MAP3K1: variants seen among roughly 807,000 people sequenced by gnomAD.
MAP3K1 encodes the protein MAP/ERK kinase kinase 1.
Under a neutral mutation model 144.2 loss-of-function variants are expected in MAP3K1, and 36 were observed. The observed-to-expected ratio is 0.25, with a 90% confidence interval of 0.19 to 0.33. MAP3K1 has a LOEUF of 0.33. Ranked by LOEUF, MAP3K1 falls within the 10% of genes least tolerant of loss-of-function variation. MAP3K1 has a pLI of 1.00. For synonymous variants in MAP3K1, 718 were observed against 688.7 expected (o/e 1.04, Z -0.67); for missense variants, 1,650 against 1,881.9 (o/e 0.88, Z 2.28).
intron 1 of MAP3K1, chr5:56,817,054 G>C: frequency 1.0e-6 from 1 of 985,344 alleles, no homozygotes; most frequent in African/African-American, 1.7e-5. Flanking sequence ...TCCAGGGGCC[G>C]CAGTGCGGTG....
At chr5:56,824,378 C>A (rs747254456) in intron 1 of MAP3K1, among the ~76,000 whole-genome samples, 60 of 152,204 alleles carry the variant, frequency 3.9e-4, no homozygotes, top group Non-Finnish European at 7.9e-4. Context: ...AGATGTTGTT[C>A]ATGCAGTGTT....
intron 1 of MAP3K1, among the ~76,000 whole-genome samples, chr5:56,844,360 T>G (rs1041521770): frequency 6.6e-6 from 1 of 151,766 alleles, no homozygotes; most frequent in Admixed American, 6.6e-5. Context: ...TTTGTATTTT[T>G]AGTAGAGACG....
intron 1 of MAP3K1, among the ~76,000 whole-genome samples, chr5:56,836,850 G>A (rs982895756): frequency 1.3e-5 from 2 of 152,096 alleles, no homozygotes; most frequent in East Asian, 1.9e-4. Context: ...GAACACAATC[G>A]ATTCAAGTCT....
Position 56,872,873 on chromosome 5 carries a change from A to G in MAP3K1, c.1554A>G (p.Ala518=), listed in dbSNP as rs1360734082. ...ATTCCCCTTCTTCCCTCAGAGCTGCACAGCAGCAAACCGTACAGCAGCAGC... is the reference window on the plus strand; with the variant it reads ...ATTCCCCTTCTTCCCTCAGAGCTGCGCAGCAGCAAACCGTACAGCAGCAGC... ...PVDSPSSLRA[A]QQQTVQQQPL... is the part of the protein sequence containing the mutation. The change falls in exon 9 of 20, where the codon GCA becomes GCG. Residue 518 remains alanine (A), a synonymous_variant. Transcript: ENST00000399503. The G allele has an allele frequency of 9.9e-6, 16 of 1,614,072 alleles. No homozygotes were observed. Among genetic ancestry groups the G allele is most frequent in the Non-Finnish European group, 1.4e-5 (16 of 1,180,026 alleles).
chr5:56,824,680 A>G (rs1012866270), intron 1 of MAP3K1, among the ~76,000 whole-genome samples: 3 of 152,218 alleles, frequency 2.0e-5, no homozygotes, highest in Non-Finnish European at 4.4e-5. Context: ...AGTTATAGAA[A>G]GTGTCTTGAT....
intron 14 of MAP3K1, 113 bp downstream of exon 14, chr5:56,882,979 A>G (rs1748272308): frequency 1.2e-6 from 1 of 834,988 alleles, no homozygotes; most frequent in African/African-American, 1.7e-5. Flanking sequence ...GCTTGAGCAC[A>G]GGAGTTCGAA....
rs868695371 is a variant in MAP3K1 at position 56,838,377 on chromosome 5, G to A, written c.483-18223G>A. Reference sequence around the variant, plus strand: ...CAGGAAAAGTCATAAGTCAAAACCTGCCAGTTTAAAGTAAATGCAATTATT... The same window carrying A: ...CAGGAAAAGTCATAAGTCAAAACCTACCAGTTTAAAGTAAATGCAATTATT... On this transcript the variant is annotated intron_variant, in intron 1 of 19. Transcript: ENST00000399503. Among the ~76,000 whole-genome samples the A allele has an allele frequency of 3.3e-4, 50 of 152,100 alleles. 1 individual carries two copies. Among genetic ancestry groups the A allele is most frequent in the African/African-American group, 1.1e-3 (45 of 41,410 alleles).
At chr5:56,866,489 GTT>G (rs1747678604) in intron 6 of MAP3K1, among the ~76,000 whole-genome samples, 1 of 152,208 alleles carries the variant, frequency 6.6e-6, no homozygotes, top group East Asian at 1.9e-4. Flanking sequence ...GTATATAGAC[GTT>G]TTGTGCTAAA....
At chr5:56,853,861 A>C (rs2111854393) in intron 1 of MAP3K1, among the ~76,000 whole-genome samples, 1 of 152,264 alleles carries the variant, frequency 6.6e-6, no homozygotes. Context: ...AGGGCCACTT[A>C]GGTTGGGCTA....
intron 17 of MAP3K1, among the ~76,000 whole-genome samples, chr5:56,886,281 G>C (rs1256251488): frequency 6.6e-6 from 1 of 152,080 alleles, no homozygotes. Context: ...GCGCATGCCT[G>C]TAATCCTGGC....
intron 6 of MAP3K1, among the ~76,000 whole-genome samples, chr5:56,867,276 A>C (rs1246773664): frequency 1.3e-5 from 2 of 152,200 alleles, no homozygotes; most frequent in African/African-American, 2.4e-5. Flanking sequence ...GGGGAATCAC[A>C]AAAGTTATCT....
rs1748239619 is a variant in MAP3K1, at chr5:56,882,171, C to A, written c.2971C>A (p.Pro991Thr). 6.2e-7 allele frequency: 1 copy of A among 1,614,144 alleles called. No individual in the cohort carries two copies. Among genetic ancestry groups the A allele is most frequent in the Non-Finnish European group, 8.5e-7 (1 of 1,180,020 alleles). The change falls in exon 14 of 20, where the codon CCA becomes ACA. Residue 991 changes from proline (P) to threonine (T), a missense_variant. Pro to Thr is a conservative substitution (Grantham distance 38). This residue lies in a region of MAP3K1 where 841 missense variants were observed against 886.5 expected (regional missense o/e 0.95). Coordinates refer to ENST00000399503, the MANE Select transcript of MAP3K1 (RefSeq NM_005921.2). ...CTTGTCAACCCCTTCTTCTTCTACC[C>A]CATCTGTACCAGCTGGCACTGCAAC... ...PALSTPSSST[P>T]SVPAGTATDV... is the part of the protein sequence containing the mutation.
chr5:56,840,135 TTTTG>T (rs1028152830), intron 1 of MAP3K1, among the ~76,000 whole-genome samples: 11 of 152,156 alleles, frequency 7.2e-5, no homozygotes, highest in South Asian at 2.1e-4. Flanking sequence ...TAAATAAGCG[TTTTG>T]TTTGTTTGTT....
At chr5:56,872,138 A>T in intron 7 of MAP3K1, 107 bp downstream of exon 7, 14 of 1,435,308 alleles carry the variant, frequency 9.8e-6, no homozygotes, top group Non-Finnish European at 1.4e-5. Flanking sequence ...GTGAGAGAAT[A>T]AAAAAAGTAT....
rs760916911 is a variant in MAP3K1, at chr5:56,865,925, A to G, written c.1249A>G (p.Asn417Asp). ...CCAGAAGTTTGTTTCACGCATGTCA[A>G]ATTCTCATACATTGTCATCATCTAG... ...TIQKFVSRMS[N>D]SHTLSSSSTS... The change falls in exon 6 of 20, where the codon AAT (asparagine) becomes GAT (aspartate). Residue 417 changes from asparagine (N) to aspartate (D), a missense_variant. This residue lies in a region of MAP3K1 where 125 missense variants were observed against 179.9 expected (regional missense o/e 0.69). Coordinates refer to ENST00000399503, the MANE Select transcript of MAP3K1 (RefSeq NM_005921.2). The G allele has an allele frequency of 1.2e-6, 2 of 1,613,156 alleles. No individual in the cohort carries two copies. The highest frequency in any genetic ancestry group is 1.1e-5 in the South Asian group (1 of 91,056).
intron 1 of MAP3K1, among the ~76,000 whole-genome samples, chr5:56,856,032 T>C (rs765893751): frequency 3.3e-5 from 5 of 152,192 alleles, no homozygotes; most frequent in Non-Finnish European, 7.3e-5. Context: ...AGATCAAATG[T>C]TTGTACTGGA....
At chr5:56,886,752 C>G (rs1302244821) in intron 17 of MAP3K1, among the ~76,000 whole-genome samples, 3 of 151,948 alleles carry the variant, frequency 2.0e-5, no homozygotes, top group Non-Finnish European at 4.4e-5. Flanking sequence ...TTTGTAGGTC[C>G]CATTATTTTC....
intron 1 of MAP3K1, among the ~76,000 whole-genome samples, chr5:56,823,167 T>C (rs774815429): frequency 2.0e-5 from 3 of 152,200 alleles, no homozygotes; most frequent in Non-Finnish European, 4.4e-5. Flanking sequence ...GACCAGGAAA[T>C]CTTTAACATG....
Position 56,890,435 on chromosome 5 carries a change from C to G in MAP3K1, c.4389+2078C>G, listed in dbSNP as rs143846890. 4.7e-3 allele frequency among the ~76,000 whole-genome samples: 721 copies of G among 152,236 alleles called. 17 individuals carry two copies. Among genetic ancestry groups the G allele is most frequent in the Admixed American group, 0.028 (431 of 15,292 alleles). On this transcript the variant is annotated intron_variant, in intron 19 of 19. Coordinates refer to ENST00000399503, the MANE Select transcript of MAP3K1 (RefSeq NM_005921.2). Reference sequence around the variant, plus strand: ...AAATACTTTGAGGTTTTTGGAAGCACCCCAAAGCTTTCTCAAACACTTCCA... The same window carrying G: ...AAATACTTTGAGGTTTTTGGAAGCAGCCCAAAGCTTTCTCAAACACTTCCA...
Sources: allele counts gnomAD v4.1 joint callset (sites outside exome capture counted in the v4.1 genomes callset), GRCh38; gene constraint gnomAD v4.1.1; regional missense constraint gnomAD v4.1.1; transcripts MANE v1.5; gene names NCBI Gene and HGNC (gene_info 2026-07-23, HGNC 2026-07-21).